The following GLIS3 variants were observed in gnomAD, a reference collection of about 807,000 sequenced individuals.
GLIS3 encodes the protein zinc finger protein GLIS3.
In GLIS3, 53 loss-of-function variants were observed where a neutral mutation model predicts 78.6. That is an observed-to-expected ratio of 0.67 (90% CI 0.54 to 0.85). The LOEUF is 0.85. Ranked by LOEUF, GLIS3 falls within the 40% of genes least tolerant of loss-of-function variation. GLIS3 has a pLI of 0.00. For missense variants in GLIS3, 1,703 were observed against 1,231.1 expected (o/e 1.38, Z -5.74); for synonymous variants, 684 against 509.9 (o/e 1.34, Z -4.60).
the GLIS3 span, among the ~76,000 whole-genome samples, chr9:4,389,634 G>T: frequency 6.6e-6 from 1 of 152,148 alleles, no homozygotes; most frequent in Non-Finnish European, 1.5e-5. Context: ...GACACTGGAA[G>T]TATGCTAACT....
chr9:4,053,781 G>A (rs1825919584), intron 4 of GLIS3, among the ~76,000 whole-genome samples: 1 of 148,654 alleles, frequency 6.7e-6, no homozygotes, highest in Non-Finnish European at 1.5e-5. Flanking sequence ...GGCCCCAGAG[G>A]CCACCCAATT....
chr9:4,270,153 G>C (rs1826373729), intron 2 of GLIS3, among the ~76,000 whole-genome samples: 1 of 152,216 alleles, frequency 6.6e-6, no homozygotes, highest in Non-Finnish European at 1.5e-5. Context: ...AGATAACAGA[G>C]AAAATCTTGC....
At chr9:4,057,527 A>C (rs867771466) in intron 4 of GLIS3, among the ~76,000 whole-genome samples, 5 of 152,128 alleles carry the variant, frequency 3.3e-5, no homozygotes, top group African/African-American at 1.2e-4. Context: ...AAAAAGCTTG[A>C]GTTCAGCAGG....
At chr9:4,303,554 T>A (rs557875093), upstream of GLIS3, among the ~76,000 whole-genome samples, 21 of 152,322 alleles carry the variant, frequency 1.4e-4, no homozygotes, top group African/African-American at 3.1e-4. Flanking sequence ...TGTAATTTTT[T>A]AAAAAATTCT....
intron 2 of GLIS3, among the ~76,000 whole-genome samples, chr9:4,148,597 T>C (rs1834412657): frequency 6.6e-6 from 1 of 151,940 alleles, no homozygotes. Context: ...ACAGGGACTG[T>C]ACCTAATCCA....
In GLIS3 at chr9:3,879,539, G is replaced by C; in HGVS notation, c.2185C>G (p.Pro729Ala). Residue 729 changes from proline (P) to alanine (A), a missense_variant, in exon 8 of 11, where the codon CCA becomes GCA. Transcript: ENST00000381971. ...SRSGTAAGAVPPPHPVSHPSP... is the reference protein window; with the variant it reads ...SRSGTAAGAVAPPHPVSHPSP... ...GGGTGACTGACAGGATGTGGGGGTGGTACGGCCCCAGCAGCTGTTCCACTT... is the reference window on the plus strand; with the variant it reads ...GGGTGACTGACAGGATGTGGGGGTGCTACGGCCCCAGCAGCTGTTCCACTT... 1 of 1,614,092 alleles carries C rather than the reference G, an allele frequency of 6.2e-7. No homozygotes were observed. The highest frequency in any genetic ancestry group is 8.5e-7 in the Non-Finnish European group (1 of 1,180,000).
At chr9:4,190,401 C>A (rs1164998689) in intron 2 of GLIS3, among the ~76,000 whole-genome samples, 1 of 151,348 alleles carries the variant, frequency 6.6e-6, no homozygotes, top group Non-Finnish European at 1.5e-5. Context: ...GCCTCAGGAG[C>A]CGATGCGATC....
the GLIS3 span, among the ~76,000 whole-genome samples, chr9:4,355,049 T>G: frequency 9.3e-5 from 14 of 151,290 alleles, no homozygotes; most frequent in South Asian, 2.9e-3. Flanking sequence ...CCTGGAGGCT[T>G]GAACCCGGGA....
At position 3,997,341 on chromosome 9, in the gene GLIS3, G is replaced by A. The variant is rs187374195; in HGVS notation, c.1711-60152C>T. On this transcript the variant is annotated intron_variant, in intron 4 of 10. Coordinates refer to ENST00000381971, the MANE Select transcript of GLIS3 (RefSeq NM_001042413.2). ...AGCCTGGGCAAGAAGAGTGAAACTCGAAATTCCGTCTCAAGAAAACAATAA... is the reference window on the plus strand; with the variant it reads ...AGCCTGGGCAAGAAGAGTGAAACTCAAAATTCCGTCTCAAGAAAACAATAA... Among the ~76,000 whole-genome samples the A allele has an allele frequency of 8.9e-4, 135 of 151,750 alleles. 3 individuals are homozygous for A. Among genetic ancestry groups the A allele is most frequent in the African/African-American group, 3.0e-3 (124 of 41,356 alleles).
intron 4 of GLIS3, among the ~76,000 whole-genome samples, chr9:4,030,953 A>T (rs1207705085): frequency 2.0e-5 from 3 of 152,244 alleles, no homozygotes; most frequent in Admixed American, 6.5e-5. Flanking sequence ...AGCCACAATA[A>T]ATAACACAAC....
At chr9:4,161,533 G>A (rs1835473964) in intron 2 of GLIS3, among the ~76,000 whole-genome samples, 2 of 151,962 alleles carry the variant, frequency 1.3e-5, no homozygotes, top group Middle Eastern at 3.2e-3. Flanking sequence ...TCTCCAACTC[G>A]TCCAGCCCCA....
chr9:4,433,242 GCCAATATGTTGAAA>G, the GLIS3 span, among the ~76,000 whole-genome samples: 1 of 152,130 alleles, frequency 6.6e-6, no homozygotes, highest in East Asian at 1.9e-4. Flanking sequence ...GACCAGCCTG[GCCAATATGTTGAAA>G]CCCTGTCTCT....
At chr9:4,462,127 G>A in the GLIS3 span, among the ~76,000 whole-genome samples, 11 of 152,104 alleles carry the variant, frequency 7.2e-5, no homozygotes, top group Admixed American at 1.3e-4. Context: ...ATTAGATTAC[G>A]TCTACTCTAG....
chr9:4,178,166 C>T (rs1384949574), intron 2 of GLIS3, among the ~76,000 whole-genome samples: 3 of 152,164 alleles, frequency 2.0e-5, no homozygotes, highest in Non-Finnish European at 4.4e-5. Flanking sequence ...TGGTCAGTTG[C>T]ATAATGCAGG....
At chr9:3,956,307 G>A (rs1209058100) in intron 4 of GLIS3, among the ~76,000 whole-genome samples, 1 of 152,160 alleles carries the variant, frequency 6.6e-6, no homozygotes, top group Admixed American at 6.5e-5. Flanking sequence ...ACAAAAGCCT[G>A]CCAAAAACCC....
chr9:4,217,567 G>A (rs1293892614), intron 2 of GLIS3, among the ~76,000 whole-genome samples: 1 of 152,140 alleles, frequency 6.6e-6, no homozygotes, highest in Non-Finnish European at 1.5e-5. Context: ...GTTTAAGGCA[G>A]GCTACTTGTA....
intron 4 of GLIS3, among the ~76,000 whole-genome samples, chr9:4,116,420 C>T (rs1457836267): frequency 1.3e-5 from 2 of 152,182 alleles, no homozygotes; most frequent in African/African-American, 2.4e-5. Context: ...ACCTGGCATT[C>T]TCGCAATGTA....
chr9:4,298,895 C>G (rs537490552), intron 1 of GLIS3, among the ~76,000 whole-genome samples: 21 of 152,256 alleles, frequency 1.4e-4, no homozygotes, highest in Non-Finnish European at 2.8e-4. Flanking sequence ...AAACAGCCTT[C>G]GTGAAACTCC....
chr9:4,274,660 T>C (rs1392076843), intron 2 of GLIS3, among the ~76,000 whole-genome samples: 3 of 152,140 alleles, frequency 2.0e-5, no homozygotes, highest in Non-Finnish European at 2.9e-5. Context: ...AAAAACAAAA[T>C]TATTAAGAAT....
Sources: gnomAD v4.1 joint callset for allele counts (sites outside exome capture counted in the v4.1 genomes callset) on GRCh38, gnomAD v4.1.1 for gene constraint, MANE v1.5 for transcripts, NCBI Gene and HGNC (gene_info 2026-07-23, HGNC 2026-07-21) for gene names.